Variants in TTC28 observed in about 807,000 individuals in gnomAD.
TTC28 encodes the protein tetratricopeptide repeat protein 28.
Under a neutral mutation model 198.0 loss-of-function variants are expected in TTC28, and 61 were observed. That is an observed-to-expected ratio of 0.31 (90% confidence interval 0.25 to 0.38). The LOEUF (loss-of-function observed/expected upper bound fraction) is 0.38. Ranked by LOEUF, TTC28 falls within the 10% of genes least tolerant of loss-of-function variation. The pLI is 1.00. For synonymous variants in TTC28, 1,171 were observed against 1,297.8 expected (o/e 0.90, Z 2.10); for missense variants, 2,678 against 3,164.0 (o/e 0.85, Z 3.69).
At chr22:28,293,435 A>G (rs556256985) in intron 5 of TTC28, among the ~76,000 whole-genome samples, 10 of 152,244 alleles carry the variant, frequency 6.6e-5, no homozygotes, top group African/African-American at 2.4e-4. Context: ...TCATGCAAGC[A>G]GAGCATGGAC....
chr22:28,058,510 T>C (rs998336428), intron 12 of TTC28, among the ~76,000 whole-genome samples: 1 of 152,174 alleles, frequency 6.6e-6, no homozygotes. Flanking sequence ...GGTCATGCTA[T>C]ATTTGATTTG....
At chr22:28,399,892 A>C (rs2046877103) in intron 2 of TTC28, among the ~76,000 whole-genome samples, 1 of 152,154 alleles carries the variant, frequency 6.6e-6, no homozygotes, top group South Asian at 2.1e-4. Context: ...AATTTTTAAA[A>C]CAGCCTTCCA....
chr22:28,398,881 T>C (rs2146094251), intron 2 of TTC28, among the ~76,000 whole-genome samples: 1 of 152,328 alleles, frequency 6.6e-6, no homozygotes, highest in African/African-American at 2.4e-5. Flanking sequence ...TAATTTCCAG[T>C]TTATCACTTC....
At chr22:28,305,138 G>T (rs546752630) in intron 3 of TTC28, among the ~76,000 whole-genome samples, 1 of 151,930 alleles carries the variant, frequency 6.6e-6, no homozygotes, top group South Asian at 2.1e-4. Context: ...CTACAGGCGC[G>T]CACTACCACA....
intron 13 of TTC28, among the ~76,000 whole-genome samples, chr22:28,027,613 A>G (rs1313728455): frequency 6.6e-6 from 1 of 152,240 alleles, no homozygotes; most frequent in Non-Finnish European, 1.5e-5. Context: ...ACAAGGCCCT[A>G]CACACATGGT....
At chr22:28,289,903 A>G (rs1452588594) in intron 5 of TTC28, among the ~76,000 whole-genome samples, 1 of 152,114 alleles carries the variant, frequency 6.6e-6, no homozygotes, top group African/African-American at 2.4e-5. Flanking sequence ...GCGCACCTGT[A>G]ATCCCAGCTA....
At chr22:28,161,628 A>C (rs1921191704) in intron 6 of TTC28, among the ~76,000 whole-genome samples, 1 of 151,740 alleles carries the variant, frequency 6.6e-6, no homozygotes, top group South Asian at 2.1e-4. Context: ...TACTCCAGCC[A>C]AGGTAATAGA....
In TTC28 at chr22:27,980,843, G is replaced by A. The variant is rs1035617443; in HGVS notation, c.*1378C>T. On this transcript the variant is annotated 3_prime_UTR_variant, in exon 23 of 23. Coordinates refer to ENST00000397906, the MANE Select transcript of TTC28 (RefSeq NM_001145418.2). ...TGATTCCCTTGTCTTGCCTCAAGCT[G>A]GCAACAATTTAAGTTACCGTCAGAG... 6.6e-6 allele frequency: 1 copy of A among 152,224 alleles called. No homozygotes were observed. Among genetic ancestry groups the A allele is most frequent in the African/African-American group, 2.4e-5 (1 of 41,428 alleles). 9.4% of individuals were successfully genotyped at this position (152,224 alleles called of 1,614,324 possible).
At chr22:28,210,580 G>T (rs1926844736) in intron 5 of TTC28, among the ~76,000 whole-genome samples, 1 of 152,062 alleles carries the variant, frequency 6.6e-6, no homozygotes, top group Non-Finnish European at 1.5e-5. Flanking sequence ...AAGAAGAGAA[G>T]TTTAGAGGAA....
intron 15 of TTC28, 160 bp downstream of exon 15, chr22:28,001,214 C>A: frequency 8.6e-6 from 8 of 933,486 alleles, no homozygotes; most frequent in Non-Finnish European, 1.2e-5. Context: ...TTTGGACAGA[C>A]CTACTCTAAA....
intron 2 of TTC28, among the ~76,000 whole-genome samples, chr22:28,520,591 G>T (rs891852975): frequency 6.6e-6 from 1 of 152,056 alleles, no homozygotes; most frequent in Non-Finnish European, 1.5e-5. Flanking sequence ...AAAAGTAAAT[G>T]AACAAATAAA....
At chr22:28,544,227 AAAAC>A (rs1399218181) in intron 2 of TTC28, among the ~76,000 whole-genome samples, 1 of 152,224 alleles carries the variant, frequency 6.6e-6, no homozygotes, top group East Asian at 1.9e-4. Flanking sequence ...CAAAAAAACA[AAAAC>A]AAAAACAAAC....
intron 1 of TTC28, among the ~76,000 whole-genome samples, chr22:28,655,777 G>A (rs2051636663): frequency 6.6e-6 from 1 of 151,968 alleles, no homozygotes; most frequent in Non-Finnish European, 1.5e-5. Flanking sequence ...CGTGAACCCG[G>A]GAGGCGGAGC....
At chr22:28,640,996 G>C (rs1188499808) in intron 1 of TTC28, among the ~76,000 whole-genome samples, 1 of 152,106 alleles carries the variant, frequency 6.6e-6, no homozygotes, top group African/African-American at 2.4e-5. Flanking sequence ...CAAAATGTGG[G>C]AAAACCATAC....
intron 5 of TTC28, among the ~76,000 whole-genome samples, chr22:28,234,391 GAGA>G (rs969939908): frequency 3.3e-5 from 5 of 151,212 alleles, no homozygotes; most frequent in East Asian, 2.0e-4. Flanking sequence ...TGTTTGTTTT[GAGA>G]AGGAGTCTCC....
chr22:28,175,076 A>G (rs1923035360), intron 5 of TTC28, among the ~76,000 whole-genome samples: 1 of 152,138 alleles, frequency 6.6e-6, no homozygotes, highest in South Asian at 2.1e-4. Flanking sequence ...CAGAAGGATG[A>G]GACTAGACTC....
At chr22:28,318,590 G>A (rs1166960964) in intron 2 of TTC28, among the ~76,000 whole-genome samples, 1 of 152,034 alleles carries the variant, frequency 6.6e-6, no homozygotes, top group Non-Finnish European at 1.5e-5. Context: ...TGTGTTCAAT[G>A]GAAAAGATTA....
At chr22:28,355,850 G>A (rs1201388195) in intron 2 of TTC28, among the ~76,000 whole-genome samples, 3 of 152,184 alleles carry the variant, frequency 2.0e-5, no homozygotes, top group Admixed American at 6.5e-5. Flanking sequence ...CCAGAACAAC[G>A]AATTGTGTGG....
intron 2 of TTC28, among the ~76,000 whole-genome samples, chr22:28,586,009 G>C (rs1296091453): frequency 2.0e-5 from 3 of 151,710 alleles, no homozygotes; most frequent in Admixed American, 1.3e-4. Context: ...AGCCGGGTGC[G>C]GTGGCTCATG....
Sources: allele counts gnomAD v4.1 joint callset (sites outside exome capture counted in the v4.1 genomes callset), GRCh38; gene constraint gnomAD v4.1.1; transcripts MANE v1.5; gene names NCBI Gene and HGNC (gene_info 2026-07-23, HGNC 2026-07-21).